Variants in NUPR1 observed in about 807,000 individuals in gnomAD.
NUPR1 encodes nuclear protein 1, transcriptional regulator, also known as nuclear protein 1.
A neutral mutation model predicts 7.3 loss-of-function variants in NUPR1; 8 were observed. That is an observed-to-expected ratio of 1.09 (90% CI 0.64 to 1.97). The LOEUF is 1.97. Ranked by LOEUF, NUPR1 falls within the 30% of genes most tolerant of loss-of-function variation. NUPR1 has a pLI of 0.00. For synonymous variants in NUPR1, 39 were observed against 44.5 expected (o/e 0.88, Z 0.49); for missense variants, 96 against 111.7 (o/e 0.86, Z 0.63).
intron 1 of NUPR1, 125 bp from the exon 2 acceptor site, chr16:28,538,280 T>C: frequency 7.0e-7 from 1 of 1,429,700 alleles, no homozygotes; most frequent in Non-Finnish European, 9.7e-7. Flanking sequence ...CTGCTTCCCC[T>C]CTGTGGAATG....
chr16:28,537,785 T>A, intron 2 of NUPR1, 116 bp from the exon 3 acceptor site: 1 of 508,660 alleles, frequency 2.0e-6, no homozygotes, highest in Non-Finnish European at 3.5e-6. Flanking sequence ...CTATCCTCAA[T>A]TTCTGTCTCT....
rs531142942 is a variant in NUPR1, at chr16:28,535,870, C to T, written c.*1813G>A. On this transcript the variant is annotated 3_prime_UTR_variant, in exon 3 of 3. Transcript: ENST00000324873. The stretch of plus-strand genomic sequence containing the variant: ...AGGACTACAGGCATGAGCCACCATG[C>T]TTTGCTAATTTTTAAATTTTTGTAG... 3.3e-5 allele frequency: 5 copies of T among 152,138 alleles called. No individual in the cohort carries two copies. Among genetic ancestry groups the T allele is most frequent in the South Asian group, 2.1e-4 (1 of 4,816 alleles). 9.4% of individuals were successfully genotyped at this position (152,138 alleles called of 1,614,324 possible).
At chr16:28,538,571 G>A in intron 1 of NUPR1, 1 of 656,806 alleles carries the variant, frequency 1.5e-6, no homozygotes, top group Admixed American at 2.1e-5. Flanking sequence ...TCAGGAGGCT[G>A]AAGCAGGAGG....
In NUPR1 at chr16:28,537,114, TC is replaced by T. The variant is rs2046629157; in HGVS notation, c.*568del. 1 of 152,090 alleles carries T rather than the reference TC, an allele frequency of 6.6e-6. No individual in the cohort carries two copies. The highest frequency in any genetic ancestry group is 1.5e-5 in the Non-Finnish European group (1 of 68,066). 9.4% of individuals were successfully genotyped at this position (152,090 alleles called of 1,614,324 possible). A position where few individuals can be genotyped will look rare whatever the true frequency, so the allele number is the denominator to read the frequency against. On this transcript the variant is annotated 3_prime_UTR_variant, in exon 3 of 3. Transcript: ENST00000324873. The stretch of plus-strand genomic sequence containing the variant: ...AGTATCGCAAAAAAGCAGAAGAAAT[TC>T]CTTTCCACTACGTAGGAGCCCACAG...
In NUPR1 at chr16:28,534,266, G is replaced by C. The variant is rs231976; in HGVS notation, c.*3417C>G. On this transcript the variant is annotated 3_prime_UTR_variant, in exon 3 of 3. Coordinates refer to ENST00000324873, the MANE Select transcript of NUPR1 (RefSeq NM_012385.3). Reference sequence around the variant, plus strand: ...GCCAGAGGTCCTTAAATGTCCTTCCGGGTCATGGATTCATTCTGTGGCTGT... The same window carrying C: ...GCCAGAGGTCCTTAAATGTCCTTCCCGGTCATGGATTCATTCTGTGGCTGT... 0.5 allele frequency: 76,011 copies of C among 151,836 alleles called. 19,701 individuals are homozygous for C. Among genetic ancestry groups the C allele is most frequent in the Admixed American group, 0.54 (8,276 of 15,218 alleles). 9.4% of individuals were successfully genotyped at this position (151,836 alleles called of 1,614,324 possible).
rs2046642217 is a variant in NUPR1, at chr16:28,538,574, G to C, written c.112+222C>G. 6.1e-6 allele frequency: 4 copies of C among 660,264 alleles called. No homozygotes were observed. The Admixed American group carries it at 8.5e-5, about 14-fold the overall frequency. The allele number at this position is 660,264 out of a possible 1,614,324, so 40.9% of individuals were successfully genotyped here. A position where few individuals can be genotyped will look rare whatever the true frequency, so the allele number is the denominator to read the frequency against. ...AGTTCCAGCCACTCAGGAGGCTGAAGCAGGAGGATCACTTGAGCCCAGGAG... is the reference window on the plus strand; with the variant it reads ...AGTTCCAGCCACTCAGGAGGCTGAACCAGGAGGATCACTTGAGCCCAGGAG... On this transcript the variant is annotated intron_variant, in intron 1 of 2. Coordinates refer to ENST00000324873, the MANE Select transcript of NUPR1 (RefSeq NM_012385.3).
rs2046606110 is a variant in NUPR1, at chr16:28,535,528, T to TTTCTTTCTTTCTTTCTTTCCTTCC, written c.*2154_*2155insGGAAGGAAAGAAAGAAAGAAAGAA. 1.4e-5 allele frequency: 1 copy of TTTCTTTCTTTCTTTCTTTCCTTCC among 73,844 alleles called. No individual in the cohort carries two copies. The highest frequency in any genetic ancestry group is 2.9e-5 in the Non-Finnish European group (1 of 34,596). The allele number at this position is 73,844 out of a possible 1,614,324, so 4.6% of individuals were successfully genotyped here. A position where few individuals can be genotyped will look rare whatever the true frequency, so the allele number is the denominator to read the frequency against. On this transcript the variant is annotated 3_prime_UTR_variant, in exon 3 of 3. Coordinates refer to ENST00000324873, the MANE Select transcript of NUPR1 (RefSeq NM_012385.3). ...TTTTCTTTCTTTCTTTCTTTCTTTC[T>TTTCTTTCTTTCTTTCTTTCCTTCC]TTCTTTCTTTCTTTCCTTCTTTCTT...
intron 1 of NUPR1, 137 bp from the exon 2 acceptor site, chr16:28,538,292 G>C: frequency 1.5e-6 from 2 of 1,308,158 alleles, no homozygotes; most frequent in Non-Finnish European, 2.2e-6. Context: ...TGTGGAATGT[G>C]GGACCCCAGA....
In NUPR1 at chr16:28,538,109, G is replaced by A; in HGVS notation, c.159C>T (p.Asn53=). 8 of 1,614,216 alleles carry A rather than the reference G, an allele frequency of 5.0e-6. No individual in the cohort carries two copies. Among genetic ancestry groups the A allele is most frequent in the East Asian group, 2.2e-5 (1 of 44,882 alleles). ...GCCCGCCAGGGCTGGGGCGGTTGGT[G>A]TTGGCAGCAGCTTCTCTCTTGGTGC... ...KGRTKREAAA[N]TNRPSPGGHE... Residue 53 remains asparagine, a synonymous_variant, in exon 2 of 3, where the codon AAC becomes AAT. Transcript: ENST00000324873.
intron 1 of NUPR1, chr16:28,538,361 G>T (rs2046640253): frequency 2.8e-6 from 2 of 713,664 alleles, no homozygotes; most frequent in Admixed American, 2.8e-5. Context: ...ATTAGACAGG[G>T]GTGACGTGAG....
At position 28,538,850 on chromosome 16, in the gene NUPR1, C is replaced by T. The variant is rs749422949; in HGVS notation, c.58G>A (p.Glu20Lys). ...APQQPPGPED[E>K]DSSLDESDLY... ...TCAGATTCATCCAGGCTGGAGTCCT[C>T]GTCCTCCGGGCCTGGGGGCTGCTGG... Residue 20 changes from glutamate (E) to lysine (K), a missense_variant, in exon 1 of 3, where the codon GAG becomes AAG. By Grantham distance (56) the Glu-to-Lys change is moderately conservative. Coordinates refer to ENST00000324873, the MANE Select transcript of NUPR1 (RefSeq NM_012385.3). The T allele has an allele frequency of 6.2e-5, 100 of 1,613,112 alleles. No individual in the cohort carries two copies. Among genetic ancestry groups the T allele is most frequent in the Middle Eastern group, 1.7e-4 (1 of 6,056 alleles).
chr16:28,538,806 A>C lies in NUPR1; in HGVS notation c.102T>G (p.His34Gln), dbSNP rs1187746575. ...CTGAGTGGGCCTTACCGAGGTAGGAATGGGCCAGGCTATAGAGGTCAGATT... is the reference window on the plus strand; with the variant it reads ...CTGAGTGGGCCTTACCGAGGTAGGACTGGGCCAGGCTATAGAGGTCAGATT... Reference protein sequence around the residue: ...LDESDLYSLAHSYLGGGGRKG... With the variant: ...LDESDLYSLAQSYLGGGGRKG... The change falls in exon 1 of 3, where the codon CAT becomes CAG. Residue 34 changes from histidine (H) to glutamine (Q), a missense_variant. By Grantham distance (24) the His-to-Gln change is conservative (BLOSUM62 0). Transcript: ENST00000324873. The C allele has an allele frequency of 1.2e-6, 2 of 1,607,088 alleles. No individual in the cohort carries two copies. Among genetic ancestry groups the C allele is most frequent in the African/African-American group, 2.7e-5 (2 of 74,598 alleles).
In NUPR1 at chr16:28,538,697, A is replaced by AAGAT. The variant is rs774927346; in HGVS notation, c.112+98_112+99insATCT. On this transcript the variant is annotated intron_variant, in intron 1 of 2. Coordinates refer to ENST00000324873, the MANE Select transcript of NUPR1 (RefSeq NM_012385.3). ...TCTCTCAAAAAAAAAGAAAGAAAGA[A>AAGAT]ACGAAGAGGAAAGGAAAGGAAATGA... 3 of 980,054 alleles carry AAGAT rather than the reference A, an allele frequency of 3.1e-6. No homozygotes were observed. In the South Asian group the frequency reaches 4.0e-5, roughly 13 times the overall value. 60.7% of individuals were successfully genotyped at this position (980,054 alleles called of 1,614,324 possible).
rs750416724 is a variant in NUPR1, at chr16:28,538,151, A to C, written c.117T>G (p.Gly39=). 36 of 1,613,798 alleles carry C rather than the reference A, an allele frequency of 2.2e-5. No individual in the cohort carries two copies. The highest frequency in any genetic ancestry group is 3.0e-5 in the Non-Finnish European group (35 of 1,179,992). ...LYSLAHSYLG[G]GGRKGRTKRE... ...TCTTGGTGCGACCTTTCCGGCCTCC[A>C]CCTCCTGTAACCAAGGCAGGAGTCA... Residue 39 remains glycine, a synonymous_variant, in exon 2 of 3, where the codon GGT becomes GGG. Transcript: ENST00000324873.
rs1463890679 is a variant in NUPR1, at chr16:28,535,561, TTCCTTCCTTCC to T, written c.*2111_*2121del. On this transcript the variant is annotated 3_prime_UTR_variant, in exon 3 of 3. Transcript: ENST00000324873. ...TTTCTTTCCTTCTTTCTTTCTTTCT[TTCCTTCCTTCC>T]TTTCTTTCTTTCTTTCTTTCTTTCT... The T allele has an allele frequency of 3.0e-5, 1 of 33,034 alleles. No homozygotes were observed. Among genetic ancestry groups the T allele is most frequent in the African/African-American group, 7.0e-5 (1 of 14,296 alleles). The allele number at this position is 33,034 out of a possible 1,614,324, so 2.0% of individuals were successfully genotyped here.
rs1353099598 is a variant in NUPR1, at chr16:28,533,872, C to A, written c.*3811G>T. 1.3e-5 allele frequency: 2 copies of A among 152,314 alleles called. No individual in the cohort carries two copies. The highest frequency in any genetic ancestry group is 2.9e-5 in the Non-Finnish European group (2 of 68,180). The allele number at this position is 152,314 out of a possible 1,614,324, so 9.4% of individuals were successfully genotyped here. A position where few individuals can be genotyped will look rare whatever the true frequency, so the allele number is the denominator to read the frequency against. Reference sequence around the variant, plus strand: ...CCTTTGCCGGGTGGTGTGGCTCAAGCCTGTAATCCCAACACTTTGGGAGGC... The same window carrying A: ...CCTTTGCCGGGTGGTGTGGCTCAAGACTGTAATCCCAACACTTTGGGAGGC... On this transcript the variant is annotated 3_prime_UTR_variant, in exon 3 of 3. Transcript: ENST00000324873.
rs549802997 is a variant in NUPR1 at position 28,538,945 on chromosome 16, T to G, written c.-38A>C. On this transcript the variant is annotated 5_prime_UTR_variant, in exon 1 of 3. Coordinates refer to ENST00000324873, the MANE Select transcript of NUPR1 (RefSeq NM_012385.3). Reference sequence around the variant, plus strand: ...GTCTTCCCTGCCTCTCTTCTTCTCCTAACGCTTTGTCTGTCTCTGCTTTCC... The same window carrying G: ...GTCTTCCCTGCCTCTCTTCTTCTCCGAACGCTTTGTCTGTCTCTGCTTTCC... The G allele has an allele frequency of 6.4e-7, 1 of 1,552,160 alleles. No homozygotes were observed. The highest frequency in any genetic ancestry group is 1.8e-5 in the Admixed American group (1 of 56,872).
At position 28,535,564 on chromosome 16, in the gene NUPR1, C is replaced by CTTCCTTCCTTCTTTCT. The variant is rs2046609020; in HGVS notation, c.*2118_*2119insAGAAAGAAGGAAGGAA. On this transcript the variant is annotated 3_prime_UTR_variant, in exon 3 of 3. Coordinates refer to ENST00000324873, the MANE Select transcript of NUPR1 (RefSeq NM_012385.3). ...CTTTCCTTCTTTCTTTCTTTCTTTCCTTCCTTCCTTTCTTTCTTTCTTTCT... is the reference window on the plus strand; with the variant it reads ...CTTTCCTTCTTTCTTTCTTTCTTTCCTTCCTTCCTTCTTTCTTTCCTTCCTTTCTTTCTTTCTTTCT... 8.7e-5 allele frequency: 5 copies of CTTCCTTCCTTCTTTCT among 57,740 alleles called. No individual in the cohort carries two copies. Among genetic ancestry groups the CTTCCTTCCTTCTTTCT allele is most frequent in the African/African-American group, 3.1e-4 (5 of 16,302 alleles). 3.6% of individuals were successfully genotyped at this position (57,740 alleles called of 1,614,324 possible). A position where few individuals can be genotyped will look rare whatever the true frequency, so the allele number is the denominator to read the frequency against.
At position 28,538,011 on chromosome 16, in the gene NUPR1, G is replaced by A. The variant is rs11551243; in HGVS notation, c.*8C>T. 4,690 of 1,610,450 alleles carry A rather than the reference G, an allele frequency of 2.9e-3. 130 individuals carry two copies. In the African/African-American group the frequency reaches 0.055, roughly 19 times the overall value. On this transcript the variant is annotated 3_prime_UTR_variant, in exon 2 of 3. Transcript: ENST00000324873. ...TGGGCCCCCCGACTCCTTACCTCCA[G>A]CTCTGTCTCAGCGCCGTGCCCCTCG...
Sources: allele counts gnomAD v4.1 joint callset, GRCh38; gene constraint gnomAD v4.1.1; transcripts MANE v1.5; gene names NCBI Gene and HGNC (gene_info 2026-07-23, HGNC 2026-07-21).